NRXN3: variants seen among roughly 807,000 people sequenced by gnomAD.
The protein encoded by NRXN3 is neurexin 3.
Under a neutral mutation model 137.6 loss-of-function variants are expected in NRXN3, and 32 were observed. That is an observed-to-expected ratio of 0.23 (90% CI 0.18 to 0.31). The LOEUF (loss-of-function observed/expected upper bound fraction) is 0.31, where lower values mean the gene tolerates loss of function less well. Among genes scored for constraint, NRXN3 ranks in the 10% least tolerant of loss-of-function variants. The pLI, the probability that NRXN3 is intolerant of heterozygous loss-of-function variation, is 1.00. For synonymous variants in NRXN3, 798 were observed against 784.5 expected (o/e 1.02, Z -0.29); for missense variants, 1,574 against 2,062.5 (o/e 0.76, Z 4.59).
At chr14:78,571,870 C>T in intron 4 of NRXN3, among the ~76,000 whole-genome samples, 1 of 152,114 alleles carries the variant, frequency 6.6e-6, no homozygotes, top group Non-Finnish European at 1.5e-5. Flanking sequence ...AAGTAATCCC[C>T]TGAGTTTTTA....
intron 10 of NRXN3, among the ~76,000 whole-genome samples, chr14:78,904,329 A>T (rs1315708782): frequency 6.6e-6 from 1 of 152,062 alleles, no homozygotes; most frequent in Non-Finnish European, 1.5e-5. Context: ...ATCTCAGAGT[A>T]CACAAGACAG....
chr14:78,908,954 A>T (rs1406828150), intron 10 of NRXN3, among the ~76,000 whole-genome samples: 1 of 152,146 alleles, frequency 6.6e-6, no homozygotes, highest in East Asian at 1.9e-4. Context: ...TGTGAAGAAA[A>T]CATTCATCTT....
chr14:78,598,309 A>C (rs2097174758), intron 4 of NRXN3, among the ~76,000 whole-genome samples: 1 of 151,858 alleles, frequency 6.6e-6, no homozygotes, highest in South Asian at 2.1e-4. Flanking sequence ...GGTTCCTGGG[A>C]CACTGACTGC....
chr14:79,511,224 G>T (rs1048291019), intron 16 of NRXN3, among the ~76,000 whole-genome samples: 33 of 152,190 alleles, frequency 2.2e-4, no homozygotes, highest in Middle Eastern at 3.2e-3. Context: ...GCAGAGATAT[G>T]ATGTGAAAAT....
chr14:78,398,326 A>T (rs2091715527), intron 4 of NRXN3, among the ~76,000 whole-genome samples: 1 of 151,502 alleles, frequency 6.6e-6, no homozygotes, highest in African/African-American at 2.4e-5. Context: ...AGTTCTTGCT[A>T]TGATGTGTTT....
At chr14:79,096,716 C>T (rs956045827) in intron 15 of NRXN3, among the ~76,000 whole-genome samples, 1 of 152,126 alleles carries the variant, frequency 6.6e-6, no homozygotes, top group African/African-American at 2.4e-5. Flanking sequence ...ACTCCTGGCA[C>T]CATGTTTCTA....
chr14:79,639,229 C>A (rs955413927), intron 16 of NRXN3, among the ~76,000 whole-genome samples: 5 of 152,106 alleles, frequency 3.3e-5, no homozygotes, highest in African/African-American at 1.2e-4. Context: ...CTTTTTTAAA[C>A]TTTTATTTTA....
intron 15 of NRXN3, among the ~76,000 whole-genome samples, chr14:79,356,941 TG>T (rs1350065789): frequency 6.6e-6 from 1 of 152,124 alleles, no homozygotes; most frequent in Non-Finnish European, 1.5e-5. Context: ...GTGGCGAGGC[TG>T]GTCTCGAACT....
chr14:79,138,196 C>T (rs2058437574), intron 15 of NRXN3, among the ~76,000 whole-genome samples: 1 of 152,184 alleles, frequency 6.6e-6, no homozygotes, highest in Non-Finnish European at 1.5e-5. Flanking sequence ...TGCTCTGTCA[C>T]CCAGGCTGAA....
At chr14:79,023,037 C>T (rs903666656) in intron 15 of NRXN3, among the ~76,000 whole-genome samples, 1 of 151,334 alleles carries the variant, frequency 6.6e-6, no homozygotes, top group Non-Finnish European at 1.5e-5. Context: ...TCCTGCTAAG[C>T]ACTTTGGTTG....
At chr14:79,860,690 A>C (rs989319748) in intron 20 of NRXN3, among the ~76,000 whole-genome samples, 3 of 152,242 alleles carry the variant, frequency 2.0e-5, no homozygotes, top group African/African-American at 7.2e-5. Flanking sequence ...GTGTGCGTGT[A>C]CCCACACATG....
At chr14:79,131,210 A>G (rs866966509) in intron 15 of NRXN3, among the ~76,000 whole-genome samples, 115 of 151,962 alleles carry the variant, frequency 7.6e-4, no homozygotes, top group Admixed American at 2.6e-3. Flanking sequence ...GCTTTGTTCC[A>G]TTGCTGGTGA....
intron 17 of NRXN3, 127 bp downstream of exon 17, chr14:79,664,076 T>C: frequency 1.0e-6 from 1 of 966,088 alleles, no homozygotes; most frequent in South Asian, 1.6e-5. Context: ...CATGATTTTT[T>C]TGTATGAGAA....
intron 15 of NRXN3, among the ~76,000 whole-genome samples, chr14:79,242,562 G>T (rs1438230761): frequency 6.6e-6 from 1 of 152,150 alleles, no homozygotes; most frequent in African/African-American, 2.4e-5. Context: ...TGCAGTGAGG[G>T]TTGTTACCTC....
intron 4 of NRXN3, among the ~76,000 whole-genome samples, chr14:78,331,006 G>A (rs1373654959): frequency 1.3e-5 from 2 of 149,610 alleles, no homozygotes; most frequent in East Asian, 1.9e-4. Flanking sequence ...GTCAGAATCT[G>A]TTTGCCTTTG....
intron 8 of NRXN3, among the ~76,000 whole-genome samples, chr14:78,750,958 A>T (rs1037436202): frequency 3.9e-5 from 6 of 152,216 alleles, no homozygotes; most frequent in Non-Finnish European, 5.9e-5. Flanking sequence ...TTGAAAATAT[A>T]TTAAACTGAC....
chr14:78,811,688 T>G (rs2153100210), intron 10 of NRXN3, among the ~76,000 whole-genome samples: 1 of 152,340 alleles, frequency 6.6e-6, no homozygotes, highest in East Asian at 1.9e-4. Flanking sequence ...TTTAAACTTC[T>G]TTCTTGGTAG....
chr14:79,348,404 C>A (rs1246877792), intron 15 of NRXN3, among the ~76,000 whole-genome samples: 1 of 138,976 alleles, frequency 7.2e-6, no homozygotes. Flanking sequence ...GAGACAGAGT[C>A]TCGCTCTGTC....
chr14:78,854,791 G>C (rs527857457), intron 10 of NRXN3, among the ~76,000 whole-genome samples: 22 of 152,228 alleles, frequency 1.4e-4, no homozygotes, highest in African/African-American at 5.3e-4. Context: ...AGATATATGG[G>C]CTGGGCACGG....
Sources: gnomAD v4.1 joint callset for allele counts (sites outside exome capture counted in the v4.1 genomes callset) on GRCh38, gnomAD v4.1.1 for gene constraint, MANE v1.5 for transcripts, NCBI Gene and HGNC (gene_info 2026-07-23, HGNC 2026-07-21) for gene names.